Variants in IFNLR1 observed in about 807,000 individuals in gnomAD.
The protein encoded by IFNLR1 is CRF2-12.
IFNLR1 carries 28 observed loss-of-function variants against 52.5 expected under a neutral mutation model. That is an observed-to-expected ratio of 0.53 (90% CI 0.40 to 0.73). The LOEUF (loss-of-function observed/expected upper bound fraction) is 0.73. IFNLR1 is among the 30% of genes least tolerant of loss of function. The pLI, the probability that IFNLR1 is intolerant of heterozygous loss-of-function variation, is 0.00. For synonymous variants in IFNLR1, 276 were observed against 274.9 expected, an observed-to-expected ratio of 1.00 and a Z score of -0.04; for missense variants, 623 against 659.1, an observed-to-expected ratio of 0.95 and a Z score of 0.60.
chr1:24,162,772 CTTTCTT>C (rs1378851183), intron 3 of IFNLR1, among the ~76,000 whole-genome samples: 4,304 of 44,524 alleles, frequency 0.097, 115 homozygotes, highest in East Asian at 0.18. Context: ...TTCTTTCTTT[CTTTCTT>C]TTTCTTTCTT....
intron 3 of IFNLR1, among the ~76,000 whole-genome samples, chr1:24,163,586 C>CT (rs60156095): frequency 0.11 from 16,242 of 149,084 alleles, 1,214 homozygotes; most frequent in African/African-American, 0.21. Context: ...TTTCTTTTTT[C>CT]TTTTTTTTTT....
chr1:24,156,958 G>T lies in IFNLR1; in HGVS notation c.*172C>A. ...AGAGGGCGGGTCACAGGAGGGAGGGGCATCTTGTTGCTCAGCCCGACAGGC... is the reference window on the plus strand; with the variant it reads ...AGAGGGCGGGTCACAGGAGGGAGGGTCATCTTGTTGCTCAGCCCGACAGGC... On this transcript the variant is annotated 3_prime_UTR_variant, in exon 7 of 7. Coordinates refer to ENST00000327535, the MANE Select transcript of IFNLR1 (RefSeq NM_170743.4). The T allele has an allele frequency of 5.9e-6, 4 of 677,682 alleles. No individual in the cohort carries two copies. Among genetic ancestry groups the T allele is most frequent in the East Asian group, 5.4e-5 (2 of 37,340 alleles). 42.0% of individuals were successfully genotyped at this position (677,682 alleles called of 1,614,324 possible). A position where few individuals can be genotyped will look rare whatever the true frequency, so the allele number is the denominator to read the frequency against.
chr1:24,158,067 G>T (rs1333023070), intron 6 of IFNLR1, among the ~76,000 whole-genome samples, 176 bp from the exon 7 acceptor site: 1 of 152,248 alleles, frequency 6.6e-6, no homozygotes. Flanking sequence ...AGGAAGCAGG[G>T]TGTTATCAAG....
intron 1 of IFNLR1, 22 bp from the exon 2 acceptor site, chr1:24,180,876 T>C: frequency 1.2e-6 from 2 of 1,609,874 alleles, no homozygotes; most frequent in Non-Finnish European, 1.7e-6. Context: ...AAAGGGGTCA[T>C]GAAGCCTGGA....
intron 3 of IFNLR1, among the ~76,000 whole-genome samples, chr1:24,161,926 C>G (rs550945735): frequency 6.6e-6 from 1 of 152,214 alleles, no homozygotes; most frequent in Non-Finnish European, 1.5e-5. Flanking sequence ...CCTGGGCAAG[C>G]TCATTGCTGA....
rs1239922214 is a variant in IFNLR1, at chr1:24,157,599, A to C, written c.1094T>G (p.Val365Gly). Residue 365 changes from valine (V) to glycine (G), a missense_variant, in exon 7 of 7, where the codon GTG becomes GGG. By Grantham distance (109) the Val-to-Gly change is moderately radical. Transcript: ENST00000327535. The surrounding 1 kb of genome is among the most constrained non-coding windows in gnomAD (Gnocchi z 5.1). Reference protein sequence around the residue: ...QAPGHSEAGGVDSGRPRAPLV... With the variant: ...QAPGHSEAGGGDSGRPRAPLV... ...AGGAGCCCTGGGCCTCCCTGAGTCC[A>C]CCCCACCAGCCTCCGAGTGCCCTGG... 1.9e-6 allele frequency: 3 copies of C among 1,610,238 alleles called. No individual in the cohort carries two copies. Among genetic ancestry groups the C allele is most frequent in the Non-Finnish European group, 1.7e-6 (2 of 1,178,412 alleles).
chr1:24,186,006 A>T (rs544548301), intron 1 of IFNLR1, among the ~76,000 whole-genome samples: 3 of 152,212 alleles, frequency 2.0e-5, no homozygotes, highest in Non-Finnish European at 4.4e-5. Context: ...ATCTGGCTGT[A>T]CTTACTCCTA....
intron 3 of IFNLR1, among the ~76,000 whole-genome samples, chr1:24,164,743 C>T (rs1437117691): frequency 6.7e-6 from 1 of 149,808 alleles, no homozygotes. Flanking sequence ...CTATGTCACA[C>T]TTTTGGGAGC....
At chr1:24,183,455 T>C (rs545221899) in intron 1 of IFNLR1, among the ~76,000 whole-genome samples, 4 of 152,190 alleles carry the variant, frequency 2.6e-5, no homozygotes, top group Admixed American at 2.6e-4. Flanking sequence ...TTTTAAAAAA[T>C]TAGCAGGGCA....
chr1:24,183,620 C>A (rs1286005488), intron 1 of IFNLR1, among the ~76,000 whole-genome samples: 1 of 152,194 alleles, frequency 6.6e-6, no homozygotes, highest in Non-Finnish European at 1.5e-5. Context: ...GCCTTCAGTC[C>A]ATTCTCCACA....
chr1:24,170,135 G>A (rs558568797), intron 2 of IFNLR1, among the ~76,000 whole-genome samples: 10 of 152,318 alleles, frequency 6.6e-5, no homozygotes, highest in African/African-American at 2.4e-4. Context: ...AAGACGCAGC[G>A]AGAAGGCACC....
In IFNLR1 at chr1:24,161,598, G is replaced by A. The variant is rs1429626061; in HGVS notation, c.454C>T (p.Pro152Ser). 1 of 1,554,828 alleles carries A rather than the reference G, an allele frequency of 6.4e-7. No individual in the cohort carries two copies. The highest frequency in any genetic ancestry group is 8.7e-7 in the Non-Finnish European group (1 of 1,148,040). Residue 152 changes from proline (P) to serine (S), a missense_variant, in exon 4 of 7, where the codon CCC becomes TCC. By Grantham distance (74) the Pro-to-Ser change is moderately conservative (BLOSUM62 -1). Transcript: ENST00000327535. The stretch of plus-strand genomic sequence containing the variant: ...ACCTCATACTTCAGATCCAGTGGGG[G>A]CATGCAGGGGGGCAGCTGGTACGTG... ...NATYQLPPCM[P>S]PLDLKYEVAF... is the part of the protein sequence containing the mutation.
In IFNLR1 at chr1:24,157,190, A is replaced by G. The variant is rs1293034762; in HGVS notation, c.1503T>C (p.Ala501=). 1.2e-6 allele frequency: 2 copies of G among 1,614,052 alleles called. No individual in the cohort carries two copies. The highest frequency in any genetic ancestry group is 3.3e-5 in the Admixed American group (2 of 60,014). ...IEDSDAGSWG[A]ESTQRTEDRG... ...TGTCCTCGGTCCTCTGGGTGCTCTC[A>G]GCCCCCCAGCTGCCCGCATCGCTGT... Residue 501 remains alanine (A), a synonymous_variant, in exon 7 of 7, where the codon GCT becomes GCC. Transcript: ENST00000327535. This position sits in a 1 kb window ranked among gnomAD's most constrained non-coding sequence, Gnocchi z 5.1.
At chr1:24,162,752 C>T (rs1226876660) in intron 3 of IFNLR1, among the ~76,000 whole-genome samples, 2 of 37,760 alleles carry the variant, frequency 5.3e-5, no homozygotes, top group Non-Finnish European at 1.1e-4. Context: ...TTCTTTCTTT[C>T]TTTCTTTCTT....
chr1:24,154,214 T>C lies in IFNLR1; in HGVS notation c.*2916A>G, dbSNP rs896397222. 2.6e-5 allele frequency: 4 copies of C among 151,858 alleles called. No homozygotes were observed. Among genetic ancestry groups the C allele is most frequent in the African/African-American group, 9.7e-5 (4 of 41,350 alleles). 9.4% of individuals were successfully genotyped at this position (151,858 alleles called of 1,614,324 possible). A position where few individuals can be genotyped will look rare whatever the true frequency, so the allele number is the denominator to read the frequency against. ...TCTTTATTTAAACAGTTTAGGGTAATACCAACAAGCAGTAGGATATCGTTT... is the reference window on the plus strand; with the variant it reads ...TCTTTATTTAAACAGTTTAGGGTAACACCAACAAGCAGTAGGATATCGTTT... On this transcript the variant is annotated 3_prime_UTR_variant, in exon 7 of 7. Coordinates refer to ENST00000327535, the MANE Select transcript of IFNLR1 (RefSeq NM_170743.4).
chr1:24,168,605 C>A (rs1644543259), intron 3 of IFNLR1, among the ~76,000 whole-genome samples: 1 of 151,480 alleles, frequency 6.6e-6, no homozygotes, highest in Admixed American at 6.6e-5. Context: ...AAAAAAAGTG[C>A]CCTCCTCACC....
In IFNLR1 at chr1:24,174,172, A is replaced by G. The variant is rs531720393; in HGVS notation, c.183-4571T>C. 2.0e-5 allele frequency among the ~76,000 whole-genome samples: 3 copies of G among 152,358 alleles called. No individual in the cohort carries two copies. In the South Asian group the frequency reaches 6.2e-4, roughly 32 times the overall value. On this transcript the variant is annotated intron_variant, in intron 2 of 6. Coordinates refer to ENST00000327535, the MANE Select transcript of IFNLR1 (RefSeq NM_170743.4). ...GAAAAAGCCACGTGAGGACACAGCA[A>G]GAAGGCAGCCATCTGCTAGCCAAGG...
chr1:24,186,059 T>C (rs1342264810), intron 1 of IFNLR1, among the ~76,000 whole-genome samples: 1 of 152,272 alleles, frequency 6.6e-6, no homozygotes, highest in Non-Finnish European at 1.5e-5. Context: ...TAAATACTTA[T>C]CAGGTGAAAG....
intron 2 of IFNLR1, among the ~76,000 whole-genome samples, chr1:24,178,659 C>A (rs1273818470): frequency 2.0e-5 from 3 of 152,064 alleles, no homozygotes; most frequent in Non-Finnish European, 4.4e-5. Flanking sequence ...CTGAAACCAC[C>A]AAATGTGTTT....
Sources: allele counts gnomAD v4.1 joint callset (sites outside exome capture counted in the v4.1 genomes callset), GRCh38; gene constraint gnomAD v4.1.1; non-coding constraint Gnocchi (gnomAD v3.1); transcripts MANE v1.5; gene names NCBI Gene and HGNC (gene_info 2026-07-23, HGNC 2026-07-21).